CSMD2: variants seen among roughly 807,000 people sequenced by gnomAD.
The protein encoded by CSMD2 is CUB and Sushi multiple domains 2.
CSMD2 carries 130 observed loss-of-function variants against 398.5 expected under a neutral mutation model. The observed-to-expected ratio is 0.33, with a 90% CI of 0.28 to 0.38. The LOEUF (loss-of-function observed/expected upper bound fraction) is 0.38. Among genes scored for constraint, CSMD2 ranks in the 10% least tolerant of loss-of-function variants. The pLI is 1.00. For synonymous variants in CSMD2, 1,828 were observed against 1,908.5 expected, an observed-to-expected ratio of 0.96 and a Z score of 1.10; for missense variants, 3,829 against 4,764.9, an observed-to-expected ratio of 0.80 and a Z score of 5.78.
chr1:34,164,027 C>A lies in CSMD2; in HGVS notation c.187+884G>T, dbSNP rs562105729. Among the ~76,000 whole-genome samples the A allele has an allele frequency of 6.6e-6, 1 of 152,144 alleles. No homozygotes were observed. The highest frequency in any genetic ancestry group is 1.5e-5 in the Non-Finnish European group (1 of 68,014). On this transcript the variant is annotated intron_variant, in intron 1 of 70. Coordinates refer to ENST00000373381, the MANE Select transcript of CSMD2 (RefSeq NM_001281956.2). The surrounding 1 kb of genome is among the most constrained non-coding windows in gnomAD (Gnocchi z 6.2). Reference sequence around the variant, plus strand: ...TCCGCACCCGCTAGATCTGCCCCTTCCCGGACTCGGTCGTCGGGAGCTGGT... The same window carrying A: ...TCCGCACCCGCTAGATCTGCCCCTTACCGGACTCGGTCGTCGGGAGCTGGT...
intron 3 of CSMD2, among the ~76,000 whole-genome samples, chr1:34,003,300 A>G (rs941220808): frequency 6.6e-6 from 1 of 152,188 alleles, no homozygotes; most frequent in East Asian, 1.9e-4. Flanking sequence ...CTCTGAGAAC[A>G]AGTGCTCTTG....
intron 22 of CSMD2, among the ~76,000 whole-genome samples, chr1:33,702,907 G>A (rs1310800161): frequency 6.6e-6 from 1 of 152,104 alleles, no homozygotes; most frequent in Non-Finnish European, 1.5e-5. Context: ...CTCCCTGATA[G>A]ATTAGTCATT....
chr1:33,714,062 G>A (rs111668386), intron 21 of CSMD2, among the ~76,000 whole-genome samples: 26 of 152,242 alleles, frequency 1.7e-4, no homozygotes, highest in African/African-American at 5.8e-4. Context: ...AAATGACCCC[G>A]CCCCTGTTCC....
chr1:33,527,244 C>T lies in CSMD2; in HGVS notation c.10186G>A (p.Gly3396Arg), dbSNP rs1182902224. Residue 3396 changes from glycine (G) to arginine (R), a missense_variant, in exon 65 of 71, where the codon GGG becomes AGG. Around this residue, in one of 5 missense-constraint regions of CSMD2, gnomAD observed 917 missense variants for 1,199.5 expected, o/e 0.76. Transcript: ENST00000373381. The part of the protein sequence containing the change: ...PPICLEVRPS[G>R]RPINTAREPP... ...TCCCGGGCAGTGTTGATGGGTCTCC[C>T]ACTGGGCCGGACCTCTGCTGGGGAA... 1.2e-6 allele frequency: 2 copies of T among 1,613,796 alleles called. No individual in the cohort carries two copies. Among genetic ancestry groups the T allele is most frequent in the Non-Finnish European group, 1.7e-6 (2 of 1,179,886 alleles).
chr1:34,047,127 G>A (rs1652619817), intron 2 of CSMD2, among the ~76,000 whole-genome samples: 1 of 151,988 alleles, frequency 6.6e-6, no homozygotes, highest in African/African-American at 2.4e-5. Context: ...TGGTCTAAAG[G>A]CCCTAGGGAA....
chr1:33,857,832 G>C (rs1639210582), intron 5 of CSMD2, among the ~76,000 whole-genome samples: 1 of 152,170 alleles, frequency 6.6e-6, no homozygotes, highest in Non-Finnish European at 1.5e-5. Flanking sequence ...AACAAAAGAT[G>C]TCTACTGTGG....
chr1:33,633,586 G>A lies in CSMD2; in HGVS notation c.5087-51C>T. 2 of 1,405,204 alleles carry A rather than the reference G, an allele frequency of 1.4e-6. No homozygotes were observed. Among genetic ancestry groups the A allele is most frequent in the Non-Finnish European group, 2.0e-6 (2 of 1,013,836 alleles). The allele number at this position is 1,405,204 out of a possible 1,614,324, so 87.0% of individuals were successfully genotyped here. A position where few individuals can be genotyped will look rare whatever the true frequency, so the allele number is the denominator to read the frequency against. ...CTGGGCAGGCACGCTGGGGGCAGGAGAGGGGATCTAGGGGTCTAGGGGCCC... is the reference window on the plus strand; with the variant it reads ...CTGGGCAGGCACGCTGGGGGCAGGAAAGGGGATCTAGGGGTCTAGGGGCCC... On this transcript the variant is annotated intron_variant, in intron 31 of 70. Coordinates refer to ENST00000373381, the MANE Select transcript of CSMD2 (RefSeq NM_001281956.2). The surrounding 1 kb of genome is among the most constrained non-coding windows in gnomAD (Gnocchi z 5.0).
At chr1:33,558,876 G>C (rs1040823573) in intron 54 of CSMD2, among the ~76,000 whole-genome samples, 5 of 152,044 alleles carry the variant, frequency 3.3e-5, no homozygotes, top group African/African-American at 1.2e-4. Flanking sequence ...TTCCAAAGGA[G>C]CTGCAGCAGC....
chr1:33,701,897 A>G (rs1210038790), intron 22 of CSMD2, among the ~76,000 whole-genome samples: 1 of 152,256 alleles, frequency 6.6e-6, no homozygotes, highest in Non-Finnish European at 1.5e-5. Context: ...ATAAGAAATA[A>G]TAATCATCAA....
At chr1:33,575,193 G>A (rs1659958500) in intron 49 of CSMD2, among the ~76,000 whole-genome samples, 1 of 152,172 alleles carries the variant, frequency 6.6e-6, no homozygotes, top group African/African-American at 2.4e-5. Context: ...GATCTCTGAG[G>A]GAGAGAGACA....
In CSMD2 at chr1:33,587,126, T is replaced by C; in HGVS notation, c.6899A>G (p.Asn2300Ser). Residue 2300 changes from asparagine (N) to serine (S), a missense_variant, in exon 45 of 71, where the codon AAC becomes AGC. Asn to Ser is a conservative substitution (Grantham distance 46, BLOSUM62 1). Around this residue, in one of 5 missense-constraint regions of CSMD2, gnomAD observed 723 missense variants for 758.6 expected, o/e 0.95. Coordinates refer to ENST00000373381, the MANE Select transcript of CSMD2 (RefSeq NM_001281956.2). The stretch of plus-strand genomic sequence containing the variant: ...TTCATTCTCTGTGACGACTTCGGCG[T>C]TGGGGAGGATGGTGGGAGGAGGGCA... The part of the protein sequence containing the change: ...TKCPPPTILP[N>S]AEVVTENEEF... 6.2e-7 allele frequency: 1 copy of C among 1,610,514 alleles called. No individual in the cohort carries two copies. The highest frequency in any genetic ancestry group is 8.5e-7 in the Non-Finnish European group (1 of 1,178,698).
chr1:33,873,821 T>G (rs1253655169), intron 5 of CSMD2: 3 of 152,026 alleles, frequency 2.0e-5, no homozygotes, highest in African/African-American at 7.3e-5. Flanking sequence ...AGCTTTGGAG[T>G]AATATGTGAC....
chr1:33,972,155 A>G (rs1007894104), intron 3 of CSMD2, among the ~76,000 whole-genome samples: 1 of 152,138 alleles, frequency 6.6e-6, no homozygotes, highest in Non-Finnish European at 1.5e-5. Context: ...CAGAGGGGGC[A>G]GTGGGATGAA....
chr1:33,682,827 C>T (rs1470623493), intron 25 of CSMD2, among the ~76,000 whole-genome samples: 1 of 152,146 alleles, frequency 6.6e-6, no homozygotes, highest in Non-Finnish European at 1.5e-5. Context: ...AGTAAGCACT[C>T]CCACCCCTTG....
chr1:33,812,599 C>T lies in CSMD2; in HGVS notation c.1325-1735G>A, dbSNP rs144779435. Among the ~76,000 whole-genome samples the T allele has an allele frequency of 2.7e-3, 416 of 152,350 alleles. 2 individuals are homozygous for T. Among genetic ancestry groups the T allele is most frequent in the Non-Finnish European group, 4.4e-3 (300 of 68,024 alleles). ...GAGGTCAGGTTTTAAAATTTATGAA[C>T]TTAGCCTTCTGGATCTAAATCCATT... On this transcript the variant is annotated intron_variant, in intron 9 of 70. Coordinates refer to ENST00000373381, the MANE Select transcript of CSMD2 (RefSeq NM_001281956.2).
chr1:34,089,169 T>C lies in CSMD2; in HGVS notation c.212A>G (p.His71Arg), dbSNP rs1469110854. The part of the protein sequence containing the change: ...AAGQNCTFQL[H>R]GPNGTVESPG... ...GCTCTCAACTGTCCCATTGGGACCG[T>C]GCAGTTGGAACGTGCAGTTCTGGCC... Residue 71 changes from histidine to arginine, a missense_variant, in exon 2 of 71, where the codon CAC becomes CGC. Around this residue, in one of 5 missense-constraint regions of CSMD2, gnomAD observed 184 missense variants for 217.7 expected, o/e 0.85. Coordinates refer to ENST00000373381, the MANE Select transcript of CSMD2 (RefSeq NM_001281956.2). 6.2e-7 allele frequency: 1 copy of C among 1,614,126 alleles called. No homozygotes were observed. The highest frequency in any genetic ancestry group is 1.7e-5 in the Admixed American group (1 of 60,014).
At chr1:33,725,825 G>A (rs914014902) in intron 16 of CSMD2, among the ~76,000 whole-genome samples, 23 of 151,958 alleles carry the variant, frequency 1.5e-4, no homozygotes, top group Admixed American at 2.6e-4. Context: ...ATGGAGGTCA[G>A]AACATTCTAG....
intron 3 of CSMD2, among the ~76,000 whole-genome samples, chr1:33,974,525 C>T (rs561245699): frequency 1.1e-4 from 16 of 152,326 alleles, no homozygotes; most frequent in African/African-American, 3.4e-4. Context: ...GGCACTCCAA[C>T]GATCCCCATT....
intron 3 of CSMD2, among the ~76,000 whole-genome samples, chr1:33,936,570 C>T (rs559041659): frequency 5.1e-4 from 78 of 152,316 alleles, no homozygotes; most frequent in African/African-American, 1.9e-3. Flanking sequence ...CCAGGAAACA[C>T]CATGCACAGT....
Sources: gnomAD v4.1 joint callset for allele counts (sites outside exome capture counted in the v4.1 genomes callset) on GRCh38, gnomAD v4.1.1 for gene constraint, gnomAD v4.1.1 regional missense constraint, Gnocchi (gnomAD v3.1) non-coding constraint, MANE v1.5 for transcripts, NCBI Gene and HGNC (gene_info 2026-07-23, HGNC 2026-07-21) for gene names.